Variants in PFKFB1 observed in about 807,000 individuals in gnomAD.
PFKFB1 encodes the protein 6-phosphofructo-2-kinase/fructose-2,6-bisphosphatase 1.
A neutral mutation model predicts 46.4 loss-of-function variants in PFKFB1; 34 were observed. That is an observed-to-expected ratio of 0.73 (90% CI 0.56 to 0.98). PFKFB1 has a LOEUF of 0.98. Among genes scored for constraint, PFKFB1 ranks in the 50% least tolerant of loss-of-function variants. The pLI, the probability that PFKFB1 is intolerant of heterozygous loss-of-function variation, is 0.00. For synonymous variants in PFKFB1, 119 were observed against 133.8 expected (o/e 0.89, Z 0.76); for missense variants, 393 against 376.3 (o/e 1.04, Z -0.37).
chrX:54,972,305 C>G (rs1252373151), intron 1 of PFKFB1, among the ~76,000 whole-genome samples: 1 of 109,361 alleles, frequency 9.1e-6, no homozygotes, highest in Non-Finnish European at 1.9e-5. Context: ...TTGACTTCCT[C>G]TTTTCCTAAT....
chrX:54,961,738 G>A (rs893812895), intron 2 of PFKFB1, among the ~76,000 whole-genome samples: 1 of 111,756 alleles, frequency 8.9e-6, no homozygotes. Context: ...ATTAAGCCAC[G>A]GAAGACAGTG....
intron 10 of PFKFB1, among the ~76,000 whole-genome samples, chrX:54,938,520 C>A (rs1278730495): frequency 9.0e-6 from 1 of 111,309 alleles, no homozygotes; most frequent in Admixed American, 9.6e-5. Context: ...CAGTGACACA[C>A]ATAGGCTCAA....
At chrX:54,978,068 C>T (rs1391147601) in intron 1 of PFKFB1, among the ~76,000 whole-genome samples, 1 of 109,909 alleles carries the variant, frequency 9.1e-6, no homozygotes, top group African/African-American at 3.3e-5. Context: ...AGAGGCTATG[C>T]ATGTGGAGGG....
At chrX:54,943,753 A>AAAAT (rs1204544298) in intron 10 of PFKFB1, among the ~76,000 whole-genome samples, 209 of 110,650 alleles carry the variant, frequency 1.9e-3, no homozygotes, top group Middle Eastern at 9.4e-3. Flanking sequence ...TCCGTCTCAA[A>AAAAT]AAATAAATAA....
At chrX:54,967,342 A>G (rs1934505972) in intron 1 of PFKFB1, among the ~76,000 whole-genome samples, 1 of 112,439 alleles carries the variant, frequency 8.9e-6, no homozygotes. Flanking sequence ...ACAAATATTT[A>G]AAACAGAAGC....
At chrX:54,973,962 TA>T (rs1311027168) in intron 1 of PFKFB1, among the ~76,000 whole-genome samples, 1 of 111,381 alleles carries the variant, frequency 9.0e-6, no homozygotes, top group African/African-American at 3.3e-5. Flanking sequence ...AAAATGTTGT[TA>T]AAAAATCAAA....
At chrX:54,983,419 C>T (rs1252031069) in intron 1 of PFKFB1, among the ~76,000 whole-genome samples, 11 of 111,617 alleles carry the variant, frequency 9.9e-5, no homozygotes, top group South Asian at 3.8e-4. Flanking sequence ...GGAGAACATG[C>T]AGTATTTGGT....
At chrX:54,984,104 T>C (rs184761533) in intron 1 of PFKFB1, among the ~76,000 whole-genome samples, 10 of 112,062 alleles carry the variant, frequency 8.9e-5, no homozygotes, top group African/African-American at 3.2e-4. Context: ...TACTTAAAAG[T>C]GAAAGACTAA....
chrX:54,938,752 T>C (rs1026051114), intron 10 of PFKFB1, among the ~76,000 whole-genome samples: 2 of 111,011 alleles, frequency 1.8e-5, no homozygotes, highest in Admixed American at 9.6e-5. Flanking sequence ...AAGTCCTGAG[T>C]GACCTACAAA....
chrX:54,994,423 T>A (rs1376861964), upstream of PFKFB1: 1 of 751,921 alleles, frequency 1.3e-6, no homozygotes. Context: ...GATCATGTGC[T>A]TACAGCCTGT....
At position 54,991,052 on chromosome X, in the gene PFKFB1, A is replaced by G. The variant is rs138030954; in HGVS notation, c.97+2859T>C. Among the ~76,000 whole-genome samples, 159 of 111,679 alleles carry G rather than the reference A, an allele frequency of 1.4e-3. 2 individuals carry two copies. In the East Asian group the frequency reaches 0.036, roughly 25 times the overall value. ...TATACATTATTAACATTTCTTTTCA[A>G]CGTGTACTGCACATCTCGTGTGTGT... On this transcript the variant is annotated intron_variant, in intron 1 of 13. Coordinates refer to ENST00000375006, the MANE Select transcript of PFKFB1 (RefSeq NM_002625.4).
At chrX:54,958,992 A>C (rs766119645) in intron 4 of PFKFB1, 67 bp from the exon 5 acceptor site, 1 of 683,418 alleles carries the variant, frequency 1.5e-6, no homozygotes, top group East Asian at 3.2e-5. Flanking sequence ...CTCTTTGCCC[A>C]TCCCTGTGCT....
intron 1 of PFKFB1, among the ~76,000 whole-genome samples, chrX:54,977,081 G>A (rs1344609491): frequency 1.8e-5 from 2 of 110,392 alleles, no homozygotes; most frequent in Non-Finnish European, 3.8e-5. Context: ...GACTTTATAC[G>A]TTTGTCAAAA....
chrX:54,970,299 ATAT>A (rs1157535936), intron 1 of PFKFB1, among the ~76,000 whole-genome samples: 1 of 111,409 alleles, frequency 9.0e-6, no homozygotes, highest in Non-Finnish European at 1.9e-5. Flanking sequence ...GTCAATCATA[ATAT>A]TATATACAAT....
At chrX:54,989,350 A>G (rs7884892) in intron 1 of PFKFB1, among the ~76,000 whole-genome samples, 5,250 of 111,858 alleles carry the variant, frequency 0.047, 319 homozygotes, top group African/African-American at 0.16. Flanking sequence ...GGGCAAAAAC[A>G]TCAATGATAC....
intron 1 of PFKFB1, among the ~76,000 whole-genome samples, chrX:54,992,510 C>CTCTGAATCAG (rs1935267050): frequency 8.9e-6 from 1 of 111,874 alleles, no homozygotes; most frequent in Non-Finnish European, 1.9e-5. Flanking sequence ...GATCCAGAAC[C>CTCTGAATCAG]TCTGAATCAG....
chrX:54,964,032 A>G (rs1569546993), intron 1 of PFKFB1, among the ~76,000 whole-genome samples: 2 of 111,064 alleles, frequency 1.8e-5, no homozygotes, highest in African/African-American at 6.5e-5. Context: ...TGCCCATACC[A>G]ATCTACCTTA....
Position 54,963,292 on chromosome X carries a change from G to A in PFKFB1, c.188C>T (p.Thr63Ile), listed in dbSNP as rs1343068110. The A allele has an allele frequency of 7.5e-6, 9 of 1,207,562 alleles. No individual in the cohort carries two copies. Among genetic ancestry groups the A allele is most frequent in the Non-Finnish European group, 1.0e-5 (9 of 893,127 alleles). Residue 63 changes from threonine (T) to isoleucine (I), a missense_variant, in exon 2 of 14, where the codon ACA becomes ATA. Coordinates refer to ENST00000375006, the MANE Select transcript of PFKFB1 (RefSeq NM_002625.4). ...RGKTYISTKL[T>I]RYLNWIGTPT... ...TGTTCCTATCCAGTTGAGATATCGTGTGAGCTTTGTGGAGATATAGGTCTT... is the reference window on the plus strand; with the variant it reads ...TGTTCCTATCCAGTTGAGATATCGTATGAGCTTTGTGGAGATATAGGTCTT...
At chrX:54,981,549 C>T (rs375602276) in intron 1 of PFKFB1, among the ~76,000 whole-genome samples, 3 of 111,124 alleles carry the variant, frequency 2.7e-5, no homozygotes, top group African/African-American at 9.8e-5. Context: ...GAATTTATCA[C>T]CAACAGACCC....
Sources: gnomAD v4.1 joint callset for allele counts (sites outside exome capture counted in the v4.1 genomes callset) on GRCh38, gnomAD v4.1.1 for gene constraint, MANE v1.5 for transcripts, NCBI Gene and HGNC (gene_info 2026-07-23, HGNC 2026-07-21) for gene names.